Variants in CAPN14 observed in about 807,000 individuals in gnomAD.
CAPN14 encodes the protein calpain-14.
In CAPN14, 94 loss-of-function variants were observed where a neutral mutation model predicts 101.3. The observed-to-expected ratio is 0.93, with a 90% CI of 0.79 to 1.10. The LOEUF (loss-of-function observed/expected upper bound fraction) is 1.10, where lower values mean the gene tolerates loss of function less well. CAPN14 is among the 50% of genes least tolerant of loss of function. The probability of loss-of-function intolerance (pLI) is 0.00; values close to 1 mark genes in which losing one functional copy is unlikely to be tolerated. For missense variants in CAPN14, 837 were observed against 828.4 expected (o/e 1.01, Z -0.13); for synonymous variants, 338 against 317.9 (o/e 1.06, Z -0.67).
chr2:31,178,632 G>T, intron 17 of CAPN14, 53 bp from the exon 18 acceptor site: 1 of 1,248,186 alleles, frequency 8.0e-7, no homozygotes, highest in Non-Finnish European at 1.1e-6. Context: ...TCCATGCTTT[G>T]GAGGCAGTGA....
chr2:31,204,250 A>T (rs1681954255), intron 2 of CAPN14, among the ~76,000 whole-genome samples: 1 of 152,214 alleles, frequency 6.6e-6, no homozygotes, highest in Admixed American at 6.5e-5. Flanking sequence ...AGAATGTGGG[A>T]ACATACCCAT....
At chr2:31,208,693 C>A (rs1023751817) in intron 1 of CAPN14, among the ~76,000 whole-genome samples, 5 of 152,144 alleles carry the variant, frequency 3.3e-5, no homozygotes, top group Non-Finnish European at 1.5e-5. Flanking sequence ...ATATTACAAA[C>A]CATGGATGAA....
At chr2:31,186,288 C>T (rs1196170087) in intron 16 of CAPN14, 140 bp downstream of exon 16, 2 of 486,590 alleles carry the variant, frequency 4.1e-6, no homozygotes, top group Non-Finnish European at 7.2e-6. Flanking sequence ...ATCACATAAT[C>T]CACCTTGTGT....
chr2:31,189,710 G>A (rs1477941680), intron 12 of CAPN14: 2 of 631,192 alleles, frequency 3.2e-6, no homozygotes, highest in African/African-American at 3.6e-5. Flanking sequence ...CGTGTCATTT[G>A]ATTTGACTTA....
At chr2:31,179,885 T>G (rs1254144162) in intron 17 of CAPN14, among the ~76,000 whole-genome samples, 1 of 152,256 alleles carries the variant, frequency 6.6e-6, no homozygotes, top group Non-Finnish European at 1.5e-5. Context: ...TCTGTTCATA[T>G]CAAGGCAGGA....
intron 5 of CAPN14, among the ~76,000 whole-genome samples, chr2:31,201,185 A>ATGTGTGTGTGCATG (rs71405551): frequency 1.4e-5 from 2 of 139,784 alleles, no homozygotes; most frequent in South Asian, 2.4e-4. Context: ...ATGTATGTGC[A>ATGTGTGTGTGCATG]TGTGTGTGTG....
At chr2:31,228,288 G>A (rs893379523) in intron 1 of CAPN14, 1 of 152,240 alleles carries the variant, frequency 6.6e-6, no homozygotes, top group Non-Finnish European at 1.5e-5. Flanking sequence ...CCAGACTCTG[G>A]TGTTGTGGAT....
chr2:31,198,762 T>C (rs977632036), intron 7 of CAPN14, among the ~76,000 whole-genome samples: 1 of 152,136 alleles, frequency 6.6e-6, no homozygotes, highest in Non-Finnish European at 1.5e-5. Context: ...AACTTAAACC[T>C]GCTGACTTCT....
intron 6 of CAPN14, among the ~76,000 whole-genome samples, chr2:31,200,049 G>C (rs1282995258): frequency 1.3e-5 from 2 of 152,110 alleles, no homozygotes; most frequent in Admixed American, 6.5e-5. Context: ...TGTTGCCCAG[G>C]CTGGAGTGCA....
In CAPN14 at chr2:31,173,568, T is replaced by C. The variant is rs1371544855; in HGVS notation, c.*1113A>G. On this transcript the variant is annotated 3_prime_UTR_variant, in exon 22 of 22. Coordinates refer to ENST00000403897, the MANE Select transcript of CAPN14 (RefSeq NM_001145122.2). The stretch of plus-strand genomic sequence containing the variant: ...TCAGGATATCTGCATTATAGACTTG[T>C]CAGTTGAACACCTCAAACCCAAAAA... The C allele has an allele frequency of 6.6e-6, 1 of 152,228 alleles. No homozygotes were observed. Among genetic ancestry groups the C allele is most frequent in the East Asian group, 1.9e-4 (1 of 5,196 alleles). 9.4% of individuals were successfully genotyped at this position (152,228 alleles called of 1,614,324 possible). A position where few individuals can be genotyped will look rare whatever the true frequency, so the allele number is the denominator to read the frequency against.
At position 31,199,465 on chromosome 2, in the gene CAPN14, C is replaced by G; in HGVS notation, c.789+5G>C. The G allele has an allele frequency of 6.4e-7, 1 of 1,551,396 alleles. No homozygotes were observed. Among genetic ancestry groups the G allele is most frequent in the Non-Finnish European group, 8.7e-7 (1 of 1,146,784 alleles). The stretch of plus-strand genomic sequence containing the variant: ...AGGGAAACCGAAGGGCCAACCTCAA[C>G]CCACCTTCCTGATTCCTGTGAGAGT... On this transcript the variant is annotated splice_donor_5th_base_variant and intron_variant, in intron 7 of 21. Coordinates refer to ENST00000403897, the MANE Select transcript of CAPN14 (RefSeq NM_001145122.2).
intron 15 of CAPN14, among the ~76,000 whole-genome samples, chr2:31,187,112 CTGTTTTAGTGACAT>C (rs1476388598): frequency 2.6e-5 from 4 of 152,196 alleles, no homozygotes; most frequent in Non-Finnish European, 5.9e-5. Context: ...CTCATATTCT[CTGTTTTAGTGACAT>C]TGCTCAAATA....
intron 1 of CAPN14, among the ~76,000 whole-genome samples, chr2:31,207,212 G>A (rs894060205): frequency 1.3e-5 from 2 of 152,100 alleles, no homozygotes; most frequent in Non-Finnish European, 2.9e-5. Flanking sequence ...CATTTGTCAA[G>A]GTCCTGCCCA....
At chr2:31,197,614 G>A (rs1437659684) in intron 7 of CAPN14, among the ~76,000 whole-genome samples, 2 of 152,152 alleles carry the variant, frequency 1.3e-5, no homozygotes, top group African/African-American at 4.8e-5. Context: ...TCCCCAAAGA[G>A]GATATGTACA....
intron 1 of CAPN14, among the ~76,000 whole-genome samples, chr2:31,227,767 G>A (rs1355721431): frequency 6.6e-6 from 1 of 152,222 alleles, no homozygotes; most frequent in Non-Finnish European, 1.5e-5. Context: ...GAAGTAAACA[G>A]AATGAGTACA....
chr2:31,188,248 G>T, intron 14 of CAPN14, 70 bp downstream of exon 14: 1 of 1,388,168 alleles, frequency 7.2e-7, no homozygotes, highest in Non-Finnish European at 1.0e-6. Context: ...TCCTTAACTT[G>T]AAGGGAGAAA....
upstream of CAPN14, among the ~76,000 whole-genome samples, chr2:31,222,069 C>A (rs1441012937): frequency 1.3e-5 from 2 of 152,180 alleles, no homozygotes; most frequent in Non-Finnish European, 2.9e-5. Context: ...TAGAGGGATT[C>A]TCTATGTACA....
chr2:31,216,013 C>G (rs970618971), intron 1 of CAPN14, among the ~76,000 whole-genome samples: 1 of 151,932 alleles, frequency 6.6e-6, no homozygotes, highest in African/African-American at 2.4e-5. Flanking sequence ...GCAAAATATC[C>G]CCAAATGAAA....
chr2:31,193,232 C>A lies in CAPN14; in HGVS notation c.1013G>T (p.Gly338Val), dbSNP rs1470182723. 1 of 1,551,756 alleles carries A rather than the reference C, an allele frequency of 6.4e-7. No homozygotes were observed. ...VLLVICKLTP[G>V]LLSQEAAQKW... ...CTGGGCCGCCTCCTGGCTCAACAGGCCTGGGGTCAGTTTACAGATAACCAG... is the reference window on the plus strand; with the variant it reads ...CTGGGCCGCCTCCTGGCTCAACAGGACTGGGGTCAGTTTACAGATAACCAG... Residue 338 changes from glycine to valine, a missense_variant, in exon 10 of 22, where the codon GGC (glycine) becomes GTC (valine). Gly to Val is a moderately radical substitution (Grantham distance 109). Transcript: ENST00000403897.
Sources: allele counts gnomAD v4.1 joint callset (sites outside exome capture counted in the v4.1 genomes callset), GRCh38; gene constraint gnomAD v4.1.1; transcripts MANE v1.5; gene names NCBI Gene and HGNC (gene_info 2026-07-23, HGNC 2026-07-21).